Variants in PLCZ1 observed in about 807,000 individuals in gnomAD.
PLCZ1 encodes the protein phospholipase C zeta 1.
Under a neutral mutation model 76.8 loss-of-function variants are expected in PLCZ1, and 64 were observed. The observed-to-expected ratio is 0.83, with a 90% CI of 0.68 to 1.03. PLCZ1 has a LOEUF of 1.03. Ranked by LOEUF, PLCZ1 falls within the 50% of genes least tolerant of loss-of-function variation. The pLI, the probability that PLCZ1 is intolerant of heterozygous loss-of-function variation, is 0.00. For missense variants in PLCZ1, 751 were observed against 713.7 expected (o/e 1.05, Z -0.60); for synonymous variants, 248 against 230.8 (o/e 1.07, Z -0.68).
intron 7 of PLCZ1, among the ~76,000 whole-genome samples, chr12:18,704,532 C>T (rs548149079): frequency 2.6e-4 from 40 of 151,994 alleles, no homozygotes; most frequent in African/African-American, 8.7e-4. Context: ...CACCATGTTG[C>T]TCAAGGCTGG....
At chr12:18,673,199 T>A in the PLCZ1 span, among the ~76,000 whole-genome samples, 1 of 152,248 alleles carries the variant, frequency 6.6e-6, no homozygotes. Flanking sequence ...CTGCCCCTCA[T>A]AAAGGGTACA....
intron 7 of PLCZ1, among the ~76,000 whole-genome samples, chr12:18,702,818 CTTTTT>C (rs71064022): frequency 1.7e-5 from 2 of 116,600 alleles, no homozygotes; most frequent in African/African-American, 3.4e-5. Flanking sequence ...GATAAAGTAA[CTTTTT>C]TTTTTTTTTT....
intron 10 of PLCZ1, among the ~76,000 whole-genome samples, 180 bp from the exon 11 acceptor site, chr12:18,696,446 G>C (rs1307528020): frequency 1.3e-5 from 2 of 148,482 alleles, no homozygotes; most frequent in African/African-American, 5.0e-5. Context: ...ATGCCTTTAT[G>C]TTTATAGTAT....
chr12:18,684,992 A>G (rs1403875667), intron 13 of PLCZ1, among the ~76,000 whole-genome samples: 1 of 152,006 alleles, frequency 6.6e-6, no homozygotes, highest in Non-Finnish European at 1.5e-5. Flanking sequence ...CATGATTCTA[A>G]GTTTCCTGAG....
intron 11 of PLCZ1, 46 bp downstream of exon 11, chr12:18,696,104 A>T: frequency 9.5e-7 from 1 of 1,050,750 alleles, no homozygotes; most frequent in Non-Finnish European, 1.4e-6. Flanking sequence ...AAATGAATTC[A>T]TTTTATGTTA....
intron 3 of PLCZ1, 144 bp downstream of exon 3, chr12:18,736,077 G>A: frequency 1.1e-6 from 1 of 895,188 alleles, no homozygotes; most frequent in Non-Finnish European, 1.6e-6. Context: ...ACCTTCTACT[G>A]AAATGCTCTC....
At chr12:18,707,364 G>A (rs1318726643) in intron 6 of PLCZ1, among the ~76,000 whole-genome samples, 5 of 152,168 alleles carry the variant, frequency 3.3e-5, no homozygotes, top group African/African-American at 1.2e-4. Flanking sequence ...ACTGGGCAAA[G>A]TGATGGCCTA....
the PLCZ1 span, among the ~76,000 whole-genome samples, chr12:18,656,012 A>G: frequency 2.6e-5 from 4 of 152,332 alleles, no homozygotes; most frequent in African/African-American, 7.2e-5. Flanking sequence ...AGCTAATAAC[A>G]ATATATCAAT....
Position 18,736,278 on chromosome 12 carries a change from C to T in PLCZ1, c.78G>A (p.Arg26=). ...ACCGAATATCTAATTTTTCAAGTAA[C>T]CTCTGAGTTTTTTCTAGGTTAATTT... ...GGKINLEKTQ[R]LLEKLDIRCS... Residue 26 remains arginine, a synonymous_variant, in exon 3 of 15, where the codon AGG becomes AGA. Transcript: ENST00000266505. 1 of 1,612,638 alleles carries T rather than the reference C, an allele frequency of 6.2e-7. No homozygotes were observed. Among genetic ancestry groups the T allele is most frequent in the Non-Finnish European group, 8.5e-7 (1 of 1,179,190 alleles).
At chr12:18,718,061 G>T (rs1195551052) in intron 5 of PLCZ1, among the ~76,000 whole-genome samples, 1 of 152,038 alleles carries the variant, frequency 6.6e-6, no homozygotes, top group Non-Finnish European at 1.5e-5. Context: ...GGGTGCTTTG[G>T]GAGTGAGGAT....
At chr12:18,679,036 G>A (rs1257766395), downstream of PLCZ1, among the ~76,000 whole-genome samples, 2 of 152,060 alleles carry the variant, frequency 1.3e-5, no homozygotes, top group South Asian at 2.1e-4. Flanking sequence ...CAATACTAAC[G>A]ATAACTCATT....
Position 18,684,216 on chromosome 12 carries a change from A to G in PLCZ1, c.1655T>C (p.Ile552Thr). The G allele has an allele frequency of 6.2e-7, 1 of 1,611,784 alleles. No individual in the cohort carries two copies. The highest frequency in any genetic ancestry group is 8.5e-7 in the Non-Finnish European group (1 of 1,178,416). Residue 552 changes from isoleucine (I) to threonine (T), a missense_variant, in exon 14 of 15, where the codon ATA becomes ACA. Physicochemically the swap from Ile to Thr is moderately conservative, Grantham distance 89. Coordinates refer to ENST00000266505, the MANE Select transcript of PLCZ1 (RefSeq NM_033123.4). ...ACCTTGACCTTCAACAACAAAACGT[A>G]TCAATGCCAATTCTGGGACATGAAT... is the stretch of plus-strand genomic sequence containing the variant. ...FIIHVPELAL[I>T]RFVVEGQGLI...
Position 18,699,777 on chromosome 12 carries a change from G to A in PLCZ1, c.1174+17C>T, listed in dbSNP as rs762682944. ...ACTCATTTAAACATTTCATCTATTT[G>A]AGTCACAAAAATTTACCTCGCAATT... On this transcript the variant is annotated intron_variant, in intron 10 of 14. Coordinates refer to ENST00000266505, the MANE Select transcript of PLCZ1 (RefSeq NM_033123.4). 9.3e-6 allele frequency: 15 copies of A among 1,606,818 alleles called. 1 individual carries two copies. In the Middle Eastern group the frequency reaches 5.0e-4, roughly 53 times the overall value.
chr12:18,719,352 C>G (rs1273675570), intron 5 of PLCZ1, 79 bp downstream of exon 5: 1 of 793,058 alleles, frequency 1.3e-6, no homozygotes, highest in Non-Finnish European at 1.8e-6. Context: ...TTATTGTGCA[C>G]TCTTGCCTAC....
chr12:18,693,326 C>T lies in PLCZ1; in HGVS notation c.1461+1584G>A, dbSNP rs975721527. On this transcript the variant is annotated intron_variant, in intron 12 of 14. Coordinates refer to ENST00000266505, the MANE Select transcript of PLCZ1 (RefSeq NM_033123.4). ...AGGTGGAAAAGGCCCCCCAAGAGAC[C>T]TATGCAGATACTGGGGGGTTGGACA... The T allele has an allele frequency of 3.9e-6, 6 of 1,547,580 alleles. No individual in the cohort carries two copies. In the African/African-American group the frequency reaches 8.2e-5, roughly 21 times the overall value.
chr12:18,692,712 A>G, intron 12 of PLCZ1: 1 of 785,994 alleles, frequency 1.3e-6, no homozygotes, highest in Non-Finnish European at 2.1e-6. Context: ...ACAGACTTTG[A>G]ATCATCAACA....
the PLCZ1 span, among the ~76,000 whole-genome samples, chr12:18,667,850 G>A: frequency 1.3e-5 from 2 of 152,106 alleles, no homozygotes; most frequent in Admixed American, 6.6e-5. Flanking sequence ...ACATTGCTCT[G>A]CCTTCTTAAG....
At chr12:18,669,959 C>T in the PLCZ1 span, among the ~76,000 whole-genome samples, 17 of 152,168 alleles carry the variant, frequency 1.1e-4, no homozygotes, top group East Asian at 3.9e-4. Flanking sequence ...TGAGCCACCG[C>T]GCCCGGCCCT....
intron 6 of PLCZ1, among the ~76,000 whole-genome samples, chr12:18,709,118 T>C (rs980609546): frequency 1.3e-5 from 2 of 152,204 alleles, no homozygotes; most frequent in Non-Finnish European, 2.9e-5. Context: ...TTTTCTCCTA[T>C]GTTCCCTTTT....
Sources: allele counts gnomAD v4.1 joint callset (sites outside exome capture counted in the v4.1 genomes callset), GRCh38; gene constraint gnomAD v4.1.1; transcripts MANE v1.5; gene names NCBI Gene and HGNC (gene_info 2026-07-23, HGNC 2026-07-21).